COL25A1: variants seen among roughly 807,000 people sequenced by gnomAD.
COL25A1 encodes the protein collagen alpha-1(XXV) chain.
COL25A1 carries 103 observed loss-of-function variants against 128.4 expected under a neutral mutation model. The ratio of observed to expected loss-of-function variants is 0.80; its 90% CI spans 0.68 to 0.94. COL25A1 has a LOEUF of 0.94. Among genes scored for constraint, COL25A1 ranks in the 40% least tolerant of loss-of-function variants. The pLI is 0.00. For missense variants in COL25A1, 745 were observed against 840.0 expected (o/e 0.89, Z 1.40); for synonymous variants, 279 against 277.2 (o/e 1.01, Z -0.06).
intron 13 of COL25A1, among the ~76,000 whole-genome samples, chr4:108,917,581 A>G (rs972501797): frequency 1.3e-5 from 2 of 152,192 alleles, no homozygotes; most frequent in South Asian, 2.1e-4. Context: ...GCAGGAGTAA[A>G]TGTACACAAC....
Position 108,946,702 on chromosome 4 carries a change from C to CG in COL25A1, c.493-5266dup, listed in dbSNP as rs988582571. Among the ~76,000 whole-genome samples, 34 of 151,756 alleles carry CG rather than the reference C, an allele frequency of 2.2e-4. 1 individual carries two copies. The South Asian group carries it at 2.3e-3, about 10-fold the overall frequency. On this transcript the variant is annotated intron_variant, in intron 8 of 37. Transcript: ENST00000399132. Reference sequence around the variant, plus strand: ...ATAAGTATTATGGTGGAGAAGTTGGCGGGGGGGCTACAAAGAAAATAAAAT... The same window carrying CG: ...ATAAGTATTATGGTGGAGAAGTTGGCGGGGGGGGCTACAAAGAAAATAAAAT...
At chr4:109,176,946 A>G (rs889330442) in intron 3 of COL25A1, among the ~76,000 whole-genome samples, 3 of 152,140 alleles carry the variant, frequency 2.0e-5, no homozygotes, top group African/African-American at 7.2e-5. Flanking sequence ...TGACACCCTG[A>G]CTGTAGACTG....
intron 3 of COL25A1, among the ~76,000 whole-genome samples, chr4:109,142,774 C>T (rs1359995766): frequency 6.6e-6 from 1 of 152,002 alleles, no homozygotes; most frequent in Non-Finnish European, 1.5e-5. Flanking sequence ...AATCTTCCTC[C>T]ATCCCTTTAT....
At chr4:109,076,047 T>C (rs950893138) in intron 3 of COL25A1, among the ~76,000 whole-genome samples, 30 of 152,320 alleles carry the variant, frequency 2.0e-4, no homozygotes, top group South Asian at 6.2e-4. Flanking sequence ...ATAGCACTTA[T>C]GTTGTATTAG....
intron 24 of COL25A1, among the ~76,000 whole-genome samples, chr4:108,858,805 G>A (rs971086597): frequency 1.3e-5 from 2 of 151,982 alleles, no homozygotes; most frequent in East Asian, 1.9e-4. Flanking sequence ...AAGGTGATAC[G>A]CCAGAGAAAA....
At chr4:108,824,982 T>C (rs1732196433) in intron 34 of COL25A1, among the ~76,000 whole-genome samples, 1 of 152,212 alleles carries the variant, frequency 6.6e-6, no homozygotes. Context: ...CTACCAGTTA[T>C]TAATTTTATA....
chr4:109,047,051 G>C (rs1191536471), intron 5 of COL25A1, among the ~76,000 whole-genome samples: 1 of 152,142 alleles, frequency 6.6e-6, no homozygotes, highest in Non-Finnish European at 1.5e-5. Flanking sequence ...AAAAAAGAAA[G>C]TGAAACTCTC....
At chr4:108,816,577 C>T (rs1392717771) in intron 37 of COL25A1, among the ~76,000 whole-genome samples, 1 of 152,174 alleles carries the variant, frequency 6.6e-6, no homozygotes, top group Non-Finnish European at 1.5e-5. Context: ...TAGCACAGCA[C>T]ATATGGATGA....
intron 5 of COL25A1, among the ~76,000 whole-genome samples, chr4:109,023,733 T>C (rs1579119021): frequency 6.6e-6 from 1 of 152,328 alleles, no homozygotes; most frequent in African/African-American, 2.4e-5. Flanking sequence ...CAAGCGCTGA[T>C]GGCAGATACA....
At chr4:109,211,179 T>C (rs1296941077) in intron 3 of COL25A1, among the ~76,000 whole-genome samples, 9 of 149,932 alleles carry the variant, frequency 6.0e-5, no homozygotes, top group Non-Finnish European at 1.2e-4. Context: ...AAAATAAAAG[T>C]TGAAAAGAAA....
intron 3 of COL25A1, among the ~76,000 whole-genome samples, chr4:109,076,359 C>T (rs1213004737): frequency 1.3e-5 from 2 of 152,184 alleles, no homozygotes; most frequent in African/African-American, 4.8e-5. Flanking sequence ...CTTTGTCCCA[C>T]TTTCAACTTT....
At chr4:108,926,103 A>T (rs1746026140) in intron 11 of COL25A1, among the ~76,000 whole-genome samples, 1 of 152,088 alleles carries the variant, frequency 6.6e-6, no homozygotes. Context: ...AAATTAATGA[A>T]TTTTTCTGAC....
At chr4:108,873,568 T>TAGTAGTAGTAGC (rs528864282) in intron 19 of COL25A1, among the ~76,000 whole-genome samples, 2,670 of 144,918 alleles carry the variant, frequency 0.018, 39 homozygotes, top group East Asian at 0.079. Flanking sequence ...GTAGCAGCAG[T>TAGTAGTAGTAGC]AGCAGCAGTA....
intron 3 of COL25A1, among the ~76,000 whole-genome samples, chr4:109,069,485 G>A (rs574662555): frequency 1.1e-3 from 161 of 152,236 alleles, no homozygotes; most frequent in Non-Finnish European, 1.9e-3. Flanking sequence ...GAGCCACCAT[G>A]TCCAGCCCCT....
At chr4:108,936,800 A>AAT (rs138668509) in intron 11 of COL25A1, among the ~76,000 whole-genome samples, 21,018 of 134,526 alleles carry the variant, frequency 0.16, 1,800 homozygotes, top group African/African-American at 0.2. Flanking sequence ...CTGTTTCTTA[A>AAT]ATATATATAT....
intron 3 of COL25A1, among the ~76,000 whole-genome samples, chr4:109,051,220 T>C (rs80075166): frequency 0.016 from 2,397 of 152,216 alleles, 62 homozygotes; most frequent in African/African-American, 0.055. Flanking sequence ...GCACAGGCCT[T>C]AGTATCCAAG....
At chr4:109,286,842 C>T (rs1170328240) in intron 3 of COL25A1, among the ~76,000 whole-genome samples, 1 of 152,108 alleles carries the variant, frequency 6.6e-6, no homozygotes, top group Non-Finnish European at 1.5e-5. Flanking sequence ...TAACCAAGAC[C>T]CAGAGATTCT....
chr4:108,864,112 A>G (rs551644704), intron 20 of COL25A1, among the ~76,000 whole-genome samples: 1 of 152,264 alleles, frequency 6.6e-6, no homozygotes, highest in African/African-American at 2.4e-5. Context: ...GAGAAACTTG[A>G]CTAATATGCA....
intron 13 of COL25A1, among the ~76,000 whole-genome samples, chr4:108,911,623 T>C (rs1238427232): frequency 6.6e-6 from 1 of 152,142 alleles, no homozygotes; most frequent in African/African-American, 2.4e-5. Context: ...CGTTAATCAA[T>C]GAGTACATTT....
Sources: allele counts gnomAD v4.1 joint callset (sites outside exome capture counted in the v4.1 genomes callset), GRCh38; gene constraint gnomAD v4.1.1; transcripts MANE v1.5; gene names NCBI Gene and HGNC (gene_info 2026-07-23, HGNC 2026-07-21).